The following TMEM132D variants were observed in gnomAD, a reference collection of about 807,000 sequenced individuals.
TMEM132D encodes the protein transmembrane protein 132D.
Under a neutral mutation model 62.3 loss-of-function variants are expected in TMEM132D, and 21 were observed. The ratio of observed to expected loss-of-function variants is 0.34; its 90% confidence interval spans 0.24 to 0.49. TMEM132D has a LOEUF of 0.49. Ranked by LOEUF, TMEM132D falls within the 20% of genes least tolerant of loss-of-function variation. The pLI, the probability that TMEM132D is intolerant of heterozygous loss-of-function variation, is 0.99. For missense variants in TMEM132D, 1,346 were observed against 1,402.8 expected (o/e 0.96, Z 0.65); for synonymous variants, 621 against 575.6 (o/e 1.08, Z -1.13).
At chr12:129,797,871 G>A (rs1024246030) in intron 1 of TMEM132D, among the ~76,000 whole-genome samples, 1 of 152,142 alleles carries the variant, frequency 6.6e-6, no homozygotes, top group Non-Finnish European at 1.5e-5. Context: ...ATGCATCCTT[G>A]GTATAGTTGT....
At chr12:129,323,108 G>GT (rs1156468711) in intron 4 of TMEM132D, among the ~76,000 whole-genome samples, 1 of 152,174 alleles carries the variant, frequency 6.6e-6, no homozygotes, top group African/African-American at 2.4e-5. Context: ...ACTTTGAACT[G>GT]TAACTACCAT....
At chr12:129,298,850 G>T (rs1163541835) in intron 4 of TMEM132D, among the ~76,000 whole-genome samples, 1 of 152,126 alleles carries the variant, frequency 6.6e-6, no homozygotes, top group East Asian at 1.9e-4. Context: ...TGAACAAGAT[G>T]GCCCCGTCAA....
At chr12:129,285,539 A>AAAAAAG (rs56018646) in intron 4 of TMEM132D, among the ~76,000 whole-genome samples, 3 of 90,030 alleles carry the variant, frequency 3.3e-5, no homozygotes, top group Non-Finnish European at 6.4e-5. Context: ...AAAAAAAAAA[A>AAAAAAG]AGAGAGAGAG....
intron 2 of TMEM132D, among the ~76,000 whole-genome samples, chr12:129,605,905 G>A (rs1489265404): frequency 6.6e-6 from 1 of 152,020 alleles, no homozygotes; most frequent in Non-Finnish European, 1.5e-5. Context: ...CCAGGAACCT[G>A]GCTCAGCCGC....
chr12:129,144,623 A>G (rs1045491933), intron 5 of TMEM132D, among the ~76,000 whole-genome samples: 12 of 152,180 alleles, frequency 7.9e-5, no homozygotes, highest in African/African-American at 2.4e-4. Flanking sequence ...GTCATCCCAC[A>G]TGAGACCAGC....
chr12:129,117,817 T>G (rs1217831274), intron 5 of TMEM132D, among the ~76,000 whole-genome samples: 1 of 152,264 alleles, frequency 6.6e-6, no homozygotes, highest in African/African-American at 2.4e-5. Flanking sequence ...TACGAATGTT[T>G]CATATTTGCT....
At chr12:129,883,455 T>C (rs1292856344) in intron 1 of TMEM132D, among the ~76,000 whole-genome samples, 2 of 152,190 alleles carry the variant, frequency 1.3e-5, no homozygotes, top group East Asian at 1.9e-4. Flanking sequence ...CTCATTATCA[T>C]TGAGGTGGAT....
intron 5 of TMEM132D, 131 bp from the exon 6 acceptor site, chr12:129,084,833 G>T (rs750212014): frequency 3.4e-5 from 26 of 759,398 alleles, no homozygotes; most frequent in Non-Finnish European, 5.3e-5. Flanking sequence ...CTATGGGGGA[G>T]GAGGTCCTGG....
intron 5 of TMEM132D, among the ~76,000 whole-genome samples, chr12:129,127,222 C>G (rs1565972678): frequency 6.6e-6 from 1 of 152,124 alleles, no homozygotes; most frequent in Admixed American, 6.5e-5. Flanking sequence ...TCACTCATAG[C>G]CAAAGGACAC....
chr12:129,554,895 G>T (rs1877010997), intron 2 of TMEM132D, among the ~76,000 whole-genome samples: 1 of 152,048 alleles, frequency 6.6e-6, no homozygotes, highest in African/African-American at 2.4e-5. Context: ...AATGCTGACG[G>T]CCTGGTCTCC....
chr12:129,370,471 G>A (rs1438359463), intron 3 of TMEM132D, among the ~76,000 whole-genome samples: 1 of 152,202 alleles, frequency 6.6e-6, no homozygotes, highest in African/African-American at 2.4e-5. Context: ...AGAGCCCCTT[G>A]CACACAGAAC....
intron 3 of TMEM132D, among the ~76,000 whole-genome samples, chr12:129,468,083 G>A (rs11060362): frequency 0.19 from 29,119 of 152,062 alleles, 3,129 homozygotes; most frequent in Non-Finnish European, 0.24. Flanking sequence ...TTCTACCCAG[G>A]CCAGCTCCTC....
intron 4 of TMEM132D, among the ~76,000 whole-genome samples, chr12:129,295,343 G>A (rs745947889): frequency 1.4e-4 from 21 of 151,684 alleles, no homozygotes; most frequent in Admixed American, 6.6e-4. Flanking sequence ...ACTACAGAAC[G>A]CTGCCGGCTA....
In TMEM132D at chr12:129,616,687, G is replaced by A. The variant is rs574133524; in HGVS notation, c.968+83123C>T. Among the ~76,000 whole-genome samples the A allele has an allele frequency of 2.0e-5, 3 of 152,290 alleles. No individual in the cohort carries two copies. In the East Asian group the frequency reaches 5.8e-4, roughly 29 times the overall value. Reference sequence around the variant, plus strand: ...TTGCTGCCGCCATGTGAAGAAGGACGTGTCTGCTTCCCCTTCCATTATGAT... The same window carrying A: ...TTGCTGCCGCCATGTGAAGAAGGACATGTCTGCTTCCCCTTCCATTATGAT... On this transcript the variant is annotated intron_variant, in intron 2 of 8. Transcript: ENST00000422113.
chr12:129,156,524 AT>A, intron 5 of TMEM132D, among the ~76,000 whole-genome samples: 1 of 152,060 alleles, frequency 6.6e-6, no homozygotes, highest in Non-Finnish European at 1.5e-5. Context: ...CAAGATAGCT[AT>A]TCCGCTCCCA....
chr12:129,767,941 G>A (rs1043395320), intron 1 of TMEM132D, among the ~76,000 whole-genome samples: 6 of 151,926 alleles, frequency 3.9e-5, no homozygotes, highest in South Asian at 2.1e-4. Context: ...CATCTCACAT[G>A]GCAGCAGACA....
chr12:129,562,567 T>G (rs1411024855), intron 2 of TMEM132D, among the ~76,000 whole-genome samples: 2 of 152,184 alleles, frequency 1.3e-5, no homozygotes, highest in Non-Finnish European at 1.5e-5. Flanking sequence ...ACTCAAGATC[T>G]AGAGATCTGG....
chr12:129,886,406 C>T (rs892671923), intron 1 of TMEM132D, among the ~76,000 whole-genome samples: 1 of 152,112 alleles, frequency 6.6e-6, no homozygotes, highest in African/African-American at 2.4e-5. Flanking sequence ...TTTGAATTAA[C>T]CTGGACAGAT....
At chr12:129,398,865 T>TCCATCCAC (rs1463473492) in intron 3 of TMEM132D, among the ~76,000 whole-genome samples, 1 of 130,366 alleles carries the variant, frequency 7.7e-6, no homozygotes, top group African/African-American at 4.1e-5. Flanking sequence ...CATCCATCCA[T>TCCATCCAC]CCATCCATCC....
Sources: allele counts gnomAD v4.1 joint callset (sites outside exome capture counted in the v4.1 genomes callset), GRCh38; gene constraint gnomAD v4.1.1; transcripts MANE v1.5; gene names NCBI Gene and HGNC (gene_info 2026-07-23, HGNC 2026-07-21).